CCBE1: variants seen among roughly 807,000 people sequenced by gnomAD.
CCBE1 encodes the protein collagen and calcium-binding EGF domain-containing protein 1.
Under a neutral mutation model 50.0 loss-of-function variants are expected in CCBE1, and 37 were observed. The ratio of observed to expected loss-of-function variants is 0.74; its 90% CI spans 0.57 to 0.97. The LOEUF is 0.97. Among genes scored for constraint, CCBE1 ranks in the 50% least tolerant of loss-of-function variants. The pLI is 0.00. For synonymous variants in CCBE1, 234 were observed against 203.7 expected (o/e 1.15, Z -1.27); for missense variants, 538 against 523.8 (o/e 1.03, Z -0.26).
At chr18:59,461,575 A>G (rs1200755537) in intron 5 of CCBE1, among the ~76,000 whole-genome samples, 1 of 152,074 alleles carries the variant, frequency 6.6e-6, no homozygotes, top group Non-Finnish European at 1.5e-5. Flanking sequence ...TTCAGTGGAG[A>G]CAAATTACTG....
At chr18:59,553,699 C>T (rs1487473070) in intron 2 of CCBE1, among the ~76,000 whole-genome samples, 1 of 152,218 alleles carries the variant, frequency 6.6e-6, no homozygotes, top group Admixed American at 6.5e-5. Flanking sequence ...CCTTCTGCTA[C>T]TGAGCCAAAA....
chr18:59,502,664 T>TG (rs1171558129), intron 2 of CCBE1, among the ~76,000 whole-genome samples: 2 of 152,082 alleles, frequency 1.3e-5, no homozygotes, highest in Non-Finnish European at 2.9e-5. Flanking sequence ...TGTTTTGGCT[T>TG]TGTGGATCTA....
At chr18:59,661,332 G>A (rs1303146119) in intron 2 of CCBE1, among the ~76,000 whole-genome samples, 10 of 152,124 alleles carry the variant, frequency 6.6e-5, no homozygotes, top group Admixed American at 6.5e-4. Context: ...GAATCCAGAG[G>A]GCCAAATATA....
At position 59,469,532 on chromosome 18, in the gene CCBE1, T is replaced by C. The variant is rs1424354084; in HGVS notation, c.341A>G (p.Tyr114Cys). The C allele has an allele frequency of 1.9e-6, 3 of 1,614,202 alleles. No homozygotes were observed. The highest frequency in any genetic ancestry group is 2.2e-5 in the South Asian group (2 of 91,086). The change falls in exon 4 of 11, where the codon TAT (tyrosine) becomes TGT (cysteine). Residue 114 changes from tyrosine (Y) to cysteine (C), a missense_variant. By Grantham distance (194) the Tyr-to-Cys change is radical (BLOSUM62 -2). Transcript: ENST00000439986. ...CTCCCGGTCATATCGGTATCCCGGATAACAAGTACACAGCACTCGGCCAAA... is the reference window on the plus strand; with the variant it reads ...CTCCCGGTCATATCGGTATCCCGGACAACAAGTACACAGCACTCGGCCAAA... ...DNFGRVLCTC[Y>C]PGYRYDRERH...
chr18:59,539,170 T>C (rs1915366679), intron 2 of CCBE1, among the ~76,000 whole-genome samples: 1 of 149,776 alleles, frequency 6.7e-6, no homozygotes, highest in African/African-American at 2.5e-5. Context: ...GGCAGGACTC[T>C]GCTATATTTA....
At chr18:59,503,821 C>G (rs1913740498) in intron 2 of CCBE1, among the ~76,000 whole-genome samples, 1 of 152,208 alleles carries the variant, frequency 6.6e-6, no homozygotes, top group Admixed American at 6.5e-5. Flanking sequence ...CCATCATGAC[C>G]CAGTCACATA....
intron 2 of CCBE1, among the ~76,000 whole-genome samples, chr18:59,633,653 T>C (rs747239188): frequency 3.9e-5 from 6 of 151,984 alleles, no homozygotes; most frequent in Non-Finnish European, 7.4e-5. Context: ...ACTGTCTACA[T>C]TGTTAAGAGG....
At chr18:59,440,853 G>A (rs555349180) in intron 7 of CCBE1, among the ~76,000 whole-genome samples, 1 of 152,314 alleles carries the variant, frequency 6.6e-6, no homozygotes, top group African/African-American at 2.4e-5. Flanking sequence ...CATGGAGTAA[G>A]TAATAGCAAT....
At chr18:59,489,750 A>G (rs929859301) in intron 2 of CCBE1, among the ~76,000 whole-genome samples, 12 of 146,896 alleles carry the variant, frequency 8.2e-5, no homozygotes, top group Admixed American at 2.1e-4. Flanking sequence ...TCAGTGCTAC[A>G]CACTCCACCT....
intron 2 of CCBE1, among the ~76,000 whole-genome samples, chr18:59,537,597 A>T (rs2000891): frequency 1 from 152,243 of 152,340 alleles, 76,073 homozygotes; most frequent in Middle Eastern, 1. Context: ...GTTCATTAAA[A>T]CTCTTTTTCC....
chr18:59,489,292 G>T (rs575689520), intron 2 of CCBE1, among the ~76,000 whole-genome samples: 2 of 152,342 alleles, frequency 1.3e-5, no homozygotes, highest in Admixed American at 1.3e-4. Flanking sequence ...TGGCATATCA[G>T]TGTGCTTCAG....
At chr18:59,560,911 T>C (rs2052727100) in intron 2 of CCBE1, among the ~76,000 whole-genome samples, 1 of 152,162 alleles carries the variant, frequency 6.6e-6, no homozygotes, top group African/African-American at 2.4e-5. Flanking sequence ...GCAGCAGAGT[T>C]ACAAAAAGTC....
chr18:59,586,106 C>G (rs2053174539), intron 2 of CCBE1, among the ~76,000 whole-genome samples: 2 of 152,188 alleles, frequency 1.3e-5, no homozygotes, highest in Non-Finnish European at 2.9e-5. Flanking sequence ...TACACGAAAA[C>G]TAGTATCATG....
chr18:59,528,279 T>G (rs1379819497), intron 2 of CCBE1, among the ~76,000 whole-genome samples: 1 of 152,222 alleles, frequency 6.6e-6, no homozygotes, highest in Non-Finnish European at 1.5e-5. Context: ...TGGCTACTGA[T>G]ACTTGTGAAG....
At chr18:59,449,583 C>G (rs2143654859) in intron 6 of CCBE1, among the ~76,000 whole-genome samples, 2 of 145,518 alleles carry the variant, frequency 1.4e-5, no homozygotes, top group South Asian at 4.3e-4. Context: ...GATCGCACCA[C>G]TGCACTCCAC....
rs2052723564 is a variant in CCBE1, at chr18:59,560,730, A to G, written c.213-80492T>C. Among the ~76,000 whole-genome samples, 6 of 152,340 alleles carry G rather than the reference A, an allele frequency of 3.9e-5. No individual in the cohort carries two copies. The South Asian group carries it at 1.2e-3, about 32-fold the overall frequency. On this transcript the variant is annotated intron_variant, in intron 2 of 10. Coordinates refer to ENST00000439986, the MANE Select transcript of CCBE1 (RefSeq NM_133459.4). ...ACTGCATATGCTGCCCTTCTGGCTC[A>G]TAAGAGTGTGGCAGGGCGGGTTACA...
intron 2 of CCBE1, among the ~76,000 whole-genome samples, chr18:59,555,006 G>C (rs62092929): frequency 0.11 from 16,923 of 152,172 alleles, 1,218 homozygotes; most frequent in East Asian, 0.34. Flanking sequence ...GTTGTCAGGG[G>C]ACATGATTCC....
chr18:59,548,787 C>A (rs1281428208), intron 2 of CCBE1, among the ~76,000 whole-genome samples: 1 of 151,882 alleles, frequency 6.6e-6, no homozygotes, highest in Non-Finnish European at 1.5e-5. Context: ...GTGGCCTATG[C>A]TCTCAGGCTA....
At chr18:59,441,536 A>G (rs1166680792) in intron 7 of CCBE1, among the ~76,000 whole-genome samples, 3 of 152,120 alleles carry the variant, frequency 2.0e-5, no homozygotes, top group Non-Finnish European at 4.4e-5. Flanking sequence ...TAATAGAACA[A>G]TCAGCAGGAC....
Sources: gnomAD v4.1 joint callset for allele counts (sites outside exome capture counted in the v4.1 genomes callset) on GRCh38, gnomAD v4.1.1 for gene constraint, MANE v1.5 for transcripts, NCBI Gene and HGNC (gene_info 2026-07-23, HGNC 2026-07-21) for gene names.